SCML2: variants seen among roughly 807,000 people sequenced by gnomAD.
SCML2 encodes sex comb on midleg-like protein 2.
SCML2 carries 6 observed loss-of-function variants against 48.4 expected under a neutral mutation model. The ratio of observed to expected loss-of-function variants is 0.12; its 90% CI spans 0.07 to 0.24. The LOEUF (loss-of-function observed/expected upper bound fraction) is 0.24. Ranked by LOEUF, SCML2 falls within the 10% of genes least tolerant of loss-of-function variation. The pLI is 1.00. For missense variants in SCML2, 377 were observed against 528.2 expected (o/e 0.71, Z 2.81); for synonymous variants, 181 against 189.5 (o/e 0.95, Z 0.37).
chrX:18,260,044 C>A, intron 9 of SCML2, 127 bp downstream of exon 9: 1 of 447,054 alleles, frequency 2.2e-6, no homozygotes, highest in Non-Finnish European at 3.4e-6. Flanking sequence ...ATGAAAAATG[C>A]AAAGATAAAT....
At chrX:18,267,108 A>G (rs1927281910) in intron 7 of SCML2, among the ~76,000 whole-genome samples, 1 of 111,904 alleles carries the variant, frequency 8.9e-6, no homozygotes, top group Non-Finnish European at 1.9e-5. Context: ...TGACCTTATC[A>G]CTGGAGAGTT....
intron 7 of SCML2, among the ~76,000 whole-genome samples, chrX:18,303,816 A>T (rs1340537184): frequency 8.9e-6 from 1 of 111,947 alleles, no homozygotes; most frequent in Non-Finnish European, 1.9e-5. Context: ...TGTGGTATAC[A>T]GTACTGTAGT....
chrX:18,267,491 AC>A (rs1569143126), intron 7 of SCML2, among the ~76,000 whole-genome samples: 1 of 111,708 alleles, frequency 9.0e-6, no homozygotes, highest in Non-Finnish European at 1.9e-5. Context: ...GAGCTATAGA[AC>A]AAGGGTTAGC....
chrX:18,345,981 T>C (rs1228146543), intron 1 of SCML2, among the ~76,000 whole-genome samples: 1 of 108,869 alleles, frequency 9.2e-6, no homozygotes, highest in African/African-American at 3.4e-5. Flanking sequence ...CCCATACTGG[T>C]CTCAAACTCC....
At position 18,257,028 on chromosome X, in the gene SCML2, A is replaced by T; in HGVS notation, c.1276T>A (p.Ser426Thr). ...DNRGGEVITASFDGETHSIQL... is the reference protein window; with the variant it reads ...DNRGGEVITATFDGETHSIQL... ...ATGGAATGAGTTTCCCCATCAAAGG[A>T]GGCTATTGGGGGAAAAAAAAGGATG... The change falls in exon 11 of 15, where the codon TCC (serine) becomes ACC (threonine). Residue 426 changes from serine to threonine, a missense_variant and splice_region_variant. Around this residue, in one of 3 missense-constraint regions of SCML2, gnomAD observed 299 missense variants for 425.5 expected, o/e 0.70. Transcript: ENST00000251900. 8.6e-7 allele frequency: 1 copy of T among 1,165,305 alleles called. No homozygotes were observed. The highest frequency in any genetic ancestry group is 1.1e-6 in the Non-Finnish European group (1 of 873,183).
At chrX:18,242,407 C>G (rs944692413) in intron 14 of SCML2, 32 bp downstream of exon 14, 3 of 1,163,647 alleles carry the variant, frequency 2.6e-6, no homozygotes, top group Non-Finnish European at 3.4e-6. Flanking sequence ...AAAGGCATTA[C>G]GGCAGGAAAA....
At position 18,246,675 on chromosome X, in the gene SCML2, C is replaced by T. The variant is rs747463983; in HGVS notation, c.1724G>A (p.Arg575Gln). Residue 575 changes from arginine to glutamine, a missense_variant, in exon 13 of 15, where the codon CGA (arginine) becomes CAA (glutamine). This residue lies in a region of SCML2 where 299 missense variants were observed against 425.5 expected (regional missense o/e 0.70). Coordinates refer to ENST00000251900, the MANE Select transcript of SCML2 (RefSeq NM_006089.3). ...TGAACTTGTGGTGCCTGGCACACTTCGAGAAAAATCCTGGGAGACTGAAGT... is the reference window on the plus strand; with the variant it reads ...TGAACTTGTGGTGCCTGGCACACTTTGAGAAAAATCCTGGGAGACTGAAGT... ...IHTSVSQDFSRSVPGTTSSPL... is the reference protein window; with the variant it reads ...IHTSVSQDFSQSVPGTTSSPL... 58 of 1,208,576 alleles carry T rather than the reference C, an allele frequency of 4.8e-5. 1 individual carries two copies. The East Asian group carries it at 1.2e-3, about 26-fold the overall frequency.
At chrX:18,297,654 T>C (rs1048240931) in intron 7 of SCML2, among the ~76,000 whole-genome samples, 1 of 111,161 alleles carries the variant, frequency 9.0e-6, no homozygotes, top group African/African-American at 3.3e-5. Flanking sequence ...ATGAAATAGC[T>C]GTAAAAGAAA....
At chrX:18,342,254 T>C (rs1215101162) in intron 1 of SCML2, among the ~76,000 whole-genome samples, 1 of 111,927 alleles carries the variant, frequency 8.9e-6, no homozygotes, top group Non-Finnish European at 1.9e-5. Flanking sequence ...GCTTTTGTTT[T>C]TGTTTTTGGC....
At chrX:18,256,155 T>G (rs895740694) in intron 11 of SCML2, among the ~76,000 whole-genome samples, 3 of 111,257 alleles carry the variant, frequency 2.7e-5, no homozygotes, top group African/African-American at 9.8e-5. Context: ...AATGTCAAAT[T>G]CAAGCATATC....
At chrX:18,309,287 C>T (rs1317243492) in intron 6 of SCML2, among the ~76,000 whole-genome samples, 1 of 110,379 alleles carries the variant, frequency 9.1e-6, no homozygotes, top group Admixed American at 9.7e-5. Context: ...ACAGCAGATC[C>T]TGGTGAGGTT....
intron 8 of SCML2, among the ~76,000 whole-genome samples, chrX:18,263,290 T>C (rs979363867): frequency 2.7e-5 from 3 of 111,525 alleles, no homozygotes; most frequent in Non-Finnish European, 5.6e-5. Flanking sequence ...CAGGCCTTTA[T>C]ACTACAATTG....
chrX:18,342,113 C>CT (rs1397597622), intron 1 of SCML2, among the ~76,000 whole-genome samples: 2 of 111,837 alleles, frequency 1.8e-5, no homozygotes, highest in Non-Finnish European at 3.8e-5. Context: ...TGCAAAAAAG[C>CT]TTATCTTTGC....
intron 7 of SCML2, among the ~76,000 whole-genome samples, chrX:18,272,579 T>C (rs1324859060): frequency 1.8e-5 from 2 of 112,630 alleles, no homozygotes; most frequent in Non-Finnish European, 3.7e-5. Flanking sequence ...ACTGGTTCCA[T>C]ACTAATTAGG....
chrX:18,341,747 T>A (rs1036914563), intron 1 of SCML2, among the ~76,000 whole-genome samples: 5 of 111,337 alleles, frequency 4.5e-5, no homozygotes, highest in Non-Finnish European at 7.5e-5. Context: ...CTAGGAAGAA[T>A]CTGCGAAGAT....
intron 7 of SCML2, among the ~76,000 whole-genome samples, chrX:18,286,481 T>C (rs140741406): frequency 3.6e-5 from 4 of 111,830 alleles, no homozygotes; most frequent in Non-Finnish European, 5.6e-5. Context: ...AATTAAAGAA[T>C]AGATCACCTC....
chrX:18,336,661 C>T (rs1426532899), intron 1 of SCML2, among the ~76,000 whole-genome samples: 31 of 109,862 alleles, frequency 2.8e-4, no homozygotes, highest in Non-Finnish European at 2.5e-4. Flanking sequence ...GATGTGAACC[C>T]GGGAGGCGGA....
At chrX:18,354,768 G>T, upstream of SCML2, 1 of 179,716 alleles carries the variant, frequency 5.6e-6, no homozygotes, top group East Asian at 1.2e-4. Flanking sequence ...TGCGGTTGCC[G>T]CGAGCACGCC....
chrX:18,252,855 T>A (rs1297974102), intron 11 of SCML2, among the ~76,000 whole-genome samples: 1 of 112,117 alleles, frequency 8.9e-6, no homozygotes, highest in Non-Finnish European at 1.9e-5. Context: ...ACTCAGCTGG[T>A]TTTCCCCCAT....
Sources: allele counts gnomAD v4.1 joint callset (sites outside exome capture counted in the v4.1 genomes callset), GRCh38; gene constraint gnomAD v4.1.1; regional missense constraint gnomAD v4.1.1; transcripts MANE v1.5; gene names NCBI Gene and HGNC (gene_info 2026-07-23, HGNC 2026-07-21).